Variants in ST3GAL3 observed in about 807,000 individuals in gnomAD.
ST3GAL3 encodes the protein ST3 beta-galactoside alpha-2,3-sialyltransferase 3, also known as CMP-N-acetylneuraminate-beta-1,4-galactoside alpha-2,3-sialyltransferase.
Under a neutral mutation model 50.1 loss-of-function variants are expected in ST3GAL3, and 21 were observed. The ratio of observed to expected loss-of-function variants is 0.42; its 90% CI spans 0.30 to 0.60. The LOEUF (loss-of-function observed/expected upper bound fraction) is 0.60, where lower values mean the gene tolerates loss of function less well. Among genes scored for constraint, ST3GAL3 ranks in the 20% least tolerant of loss-of-function variants. The pLI, the probability that ST3GAL3 is intolerant of heterozygous loss-of-function variation, is 0.19. For synonymous variants in ST3GAL3, 183 were observed against 190.0 expected, an observed-to-expected ratio of 0.96 and a Z score of 0.30; for missense variants, 353 against 489.4, an observed-to-expected ratio of 0.72 and a Z score of 2.63.
intron 4 of ST3GAL3, among the ~76,000 whole-genome samples, chr1:43,833,941 G>T (rs1451675926): frequency 1.3e-5 from 2 of 151,958 alleles, no homozygotes; most frequent in African/African-American, 4.8e-5. Flanking sequence ...TTCCCCCTCC[G>T]CCTTCTCACA....
At chr1:43,742,311 G>A (rs954781440) in intron 2 of ST3GAL3, among the ~76,000 whole-genome samples, 1 of 152,008 alleles carries the variant, frequency 6.6e-6, no homozygotes, top group African/African-American at 2.4e-5. Flanking sequence ...CCGTAGACCC[G>A]CCCTAACAAG....
chr1:43,899,803 A>G lies in ST3GAL3; in HGVS notation c.744+76A>G. On this transcript the variant is annotated intron_variant, in intron 9 of 11. Transcript: ENST00000347631. This position sits in a 1 kb window ranked among gnomAD's most constrained non-coding sequence, Gnocchi z 5.4. ...ACTCCTAAGCAATCCCGCCCCTTGA[A>G]TGCAGCAAAGAACGAGTAAGAACCT... 1 of 1,388,528 alleles carries G rather than the reference A, an allele frequency of 7.2e-7. No homozygotes were observed. Among genetic ancestry groups the G allele is most frequent in the East Asian group, 2.3e-5 (1 of 43,430 alleles). 86.0% of individuals were successfully genotyped at this position (1,388,528 alleles called of 1,614,324 possible).
At chr1:43,797,649 C>T (rs566319887) in intron 3 of ST3GAL3, among the ~76,000 whole-genome samples, 74 of 152,304 alleles carry the variant, frequency 4.9e-4, no homozygotes, top group African/African-American at 1.7e-3. Context: ...ATCCTGACAT[C>T]GGCCATCTAC....
intron 5 of ST3GAL3, among the ~76,000 whole-genome samples, chr1:43,857,581 TCCC>T (rs1314248220): frequency 0.065 from 5,522 of 84,494 alleles, 1,051 homozygotes; most frequent in South Asian, 0.11. Flanking sequence ...CTTTCCTTCC[TCCC>T]TCCCTTCCTT....
At chr1:43,724,602 A>G (rs912548575) in intron 1 of ST3GAL3, among the ~76,000 whole-genome samples, 3 of 152,048 alleles carry the variant, frequency 2.0e-5, no homozygotes, top group Non-Finnish European at 4.4e-5. Context: ...TTCTTTTTTC[A>G]AATTGTATGC....
At chr1:43,722,692 G>C (rs1438761500) in intron 1 of ST3GAL3, among the ~76,000 whole-genome samples, 1 of 152,184 alleles carries the variant, frequency 6.6e-6, no homozygotes, top group Non-Finnish European at 1.5e-5. Context: ...ATGTGTGCAG[G>C]ATGAGAGTGA....
chr1:43,848,899 CT>C (rs1467385331), intron 5 of ST3GAL3, among the ~76,000 whole-genome samples: 16 of 152,062 alleles, frequency 1.1e-4, no homozygotes, highest in Non-Finnish European at 2.9e-5. Flanking sequence ...ACATTTATAG[CT>C]TTTTCTTTTG....
chr1:43,798,223 A>G (rs1164453638), intron 3 of ST3GAL3, among the ~76,000 whole-genome samples: 2 of 151,996 alleles, frequency 1.3e-5, no homozygotes, highest in Admixed American at 1.3e-4. Flanking sequence ...CCAAGGTACC[A>G]TCTTCTCTTC....
chr1:43,831,632 ATCT>A (rs1166852846), intron 4 of ST3GAL3: 1 of 152,196 alleles, frequency 6.6e-6, no homozygotes, highest in Non-Finnish European at 1.5e-5. Flanking sequence ...GGAAACAGTG[ATCT>A]TCTCCCTTCA....
chr1:43,847,010 G>A (rs2066368507), intron 5 of ST3GAL3, among the ~76,000 whole-genome samples: 1 of 152,102 alleles, frequency 6.6e-6, no homozygotes, highest in African/African-American at 2.4e-5. Flanking sequence ...CTTCTCCAAA[G>A]AAGATATACA....
intron 4 of ST3GAL3, among the ~76,000 whole-genome samples, chr1:43,824,406 G>A (rs1399800861): frequency 1.3e-5 from 2 of 151,552 alleles, no homozygotes; most frequent in Non-Finnish European, 2.9e-5. Context: ...GTGGTGGGAG[G>A]GATACTTTCT....
intron 1 of ST3GAL3, among the ~76,000 whole-genome samples, chr1:43,714,662 A>G (rs1325999330): frequency 6.6e-6 from 1 of 152,142 alleles, no homozygotes; most frequent in Non-Finnish European, 1.5e-5. Context: ...GCATTTAGCT[A>G]TTCCCAACCC....
At chr1:43,850,771 A>G (rs1237551749) in intron 5 of ST3GAL3, 1 of 834,866 alleles carries the variant, frequency 1.2e-6, no homozygotes, top group Non-Finnish European at 2.1e-6. Context: ...TGGTGCTGAT[A>G]AACTTCAAAT....
chr1:43,727,623 C>T (rs1243787740), intron 1 of ST3GAL3, among the ~76,000 whole-genome samples: 1 of 152,172 alleles, frequency 6.6e-6, no homozygotes, highest in Admixed American at 6.5e-5. Flanking sequence ...GCAGAGAAAG[C>T]CATCAGTTTT....
intron 9 of ST3GAL3, chr1:43,919,056 CCTTT>C (rs1370552462): frequency 1.6e-5 from 2 of 124,312 alleles, no homozygotes; most frequent in Non-Finnish European, 3.6e-5. Context: ...TCTTTTCTTT[CCTTT>C]CTTTGTTTCT....
At position 43,827,345 on chromosome 1, in the gene ST3GAL3, AAAG is replaced by A. The variant is rs528525534; in HGVS notation, c.210-10873_210-10871del. Among the ~76,000 whole-genome samples, 50 of 152,388 alleles carry A rather than the reference AAAG, an allele frequency of 3.3e-4. 1 individual carries two copies. The South Asian group carries it at 9.9e-3, about 30-fold the overall frequency. ...TGTCATTTACATTAGTGCCAAAAAA[AAAG>A]GGAAATACTTAGGGATAAATCTGAT... is the stretch of plus-strand genomic sequence containing the variant. On this transcript the variant is annotated intron_variant, in intron 4 of 11. Transcript: ENST00000347631.
At chr1:43,877,464 T>C (rs2074325816) in intron 5 of ST3GAL3, among the ~76,000 whole-genome samples, 1 of 152,104 alleles carries the variant, frequency 6.6e-6, no homozygotes, top group Admixed American at 6.5e-5. Context: ...GGTCTCCCCT[T>C]AGTCTGTGAC....
chr1:43,923,139 G>A (rs974332681), intron 11 of ST3GAL3, among the ~76,000 whole-genome samples: 16 of 151,828 alleles, frequency 1.1e-4, no homozygotes, highest in East Asian at 3.9e-4. Flanking sequence ...GCTGGTGTGC[G>A]CATGTAGTCC....
intron 2 of ST3GAL3, among the ~76,000 whole-genome samples, chr1:43,742,263 G>A (rs1681260102): frequency 6.6e-6 from 1 of 152,082 alleles, no homozygotes; most frequent in Non-Finnish European, 1.5e-5. Flanking sequence ...GACAGGCCAT[G>A]CCTTATGAAT....
Sources: gnomAD v4.1 joint callset for allele counts (sites outside exome capture counted in the v4.1 genomes callset) on GRCh38, gnomAD v4.1.1 for gene constraint, Gnocchi (gnomAD v3.1) non-coding constraint, MANE v1.5 for transcripts, NCBI Gene and HGNC (gene_info 2026-07-23, HGNC 2026-07-21) for gene names.